RIMKLB: variants seen among roughly 807,000 people sequenced by gnomAD.
RIMKLB encodes the protein ribosomal modification protein rimK like family member B.
RIMKLB carries 7 observed loss-of-function variants against 32.0 expected under a neutral mutation model. That is an observed-to-expected ratio of 0.22 (90% CI 0.12 to 0.41). The LOEUF (loss-of-function observed/expected upper bound fraction) is 0.41, where lower values mean the gene tolerates loss of function less well. Ranked by LOEUF, RIMKLB falls within the 10% of genes least tolerant of loss-of-function variation. The pLI is 1.00. For synonymous variants in RIMKLB, 172 were observed against 185.1 expected (o/e 0.93, Z 0.57); for missense variants, 289 against 498.7 (o/e 0.58, Z 4.00).
upstream of RIMKLB, among the ~76,000 whole-genome samples, chr12:8,680,605 G>A (rs1003287209): frequency 2.0e-5 from 3 of 152,008 alleles, no homozygotes; most frequent in Admixed American, 6.5e-5. Context: ...CTGTGGACTC[G>A]CCCTGAATTC....
intron 2 of RIMKLB, among the ~76,000 whole-genome samples, chr12:8,741,473 G>T (rs777492642): frequency 4.0e-5 from 6 of 151,510 alleles, no homozygotes; most frequent in Non-Finnish European, 7.4e-5. Context: ...AGGGAGCGGC[G>T]CAAGGGTTAT....
At chr12:8,761,910 G>A (rs1330085778) in intron 5 of RIMKLB, among the ~76,000 whole-genome samples, 1 of 152,190 alleles carries the variant, frequency 6.6e-6, no homozygotes, top group African/African-American at 2.4e-5. Flanking sequence ...TAGCAGGCCG[G>A]TCCAGGGGTC....
At chr12:8,758,088 C>T (rs772706218) in intron 5 of RIMKLB, among the ~76,000 whole-genome samples, 13 of 152,154 alleles carry the variant, frequency 8.5e-5, no homozygotes, top group African/African-American at 1.2e-4. Flanking sequence ...TGAGCCACTG[C>T]GCCTGGCCTG....
At position 8,776,389 on chromosome 12, in the gene RIMKLB, A is replaced by AG. The variant is rs1950728222; in HGVS notation, c.*2607dup. 1.0e-6 allele frequency: 1 copy of AG among 981,990 alleles called. No individual in the cohort carries two copies. The highest frequency in any genetic ancestry group is 4.7e-5 in the South Asian group (1 of 21,220). The allele number at this position is 981,990 out of a possible 1,614,324, so 60.8% of individuals were successfully genotyped here. A position where few individuals can be genotyped will look rare whatever the true frequency, so the allele number is the denominator to read the frequency against. ...AGCAAATCATTCTGGAAGTACCTTA[A>AG]GGAAACAAACAGCAGCAGATATTTA... is the stretch of plus-strand genomic sequence containing the variant. On this transcript the variant is annotated 3_prime_UTR_variant, in exon 6 of 6. Transcript: ENST00000535829.
upstream of RIMKLB, among the ~76,000 whole-genome samples, chr12:8,677,759 T>C (rs995728243): frequency 5.3e-5 from 8 of 150,892 alleles, no homozygotes; most frequent in Non-Finnish European, 1.0e-4. Context: ...TTTTTTTTTT[T>C]CTTCTTTTTT....
At chr12:8,777,445 GT>G, downstream of RIMKLB, 2 of 1,111,534 alleles carry the variant, frequency 1.8e-6, no homozygotes, top group South Asian at 4.4e-5. Context: ...TTGCCATGCT[GT>G]TTTGGGGTGG....
upstream of RIMKLB, chr12:8,697,855 C>T (rs1942973685): frequency 6.8e-6 from 1 of 146,254 alleles, no homozygotes; most frequent in African/African-American, 2.5e-5. Context: ...CCGCCCGCCG[C>T]GCCGCGGCGC....
rs1565430225 is a variant in RIMKLB, at chr12:8,773,564, G to A, written c.941G>A (p.Arg314Gln). ...CTTCTACCCTCTGGCCGGCTCACCC[G>A]GCGTATGTCCCTGCTCTCCGTGGTG... ...ASLLPSGRLTRRMSLLSVVST... is the reference protein window; with the variant it reads ...ASLLPSGRLTQRMSLLSVVST... The change falls in exon 6 of 6, where the codon CGG becomes CAG. Residue 314 changes from arginine to glutamine, a missense_variant. Physicochemically the swap from Arg to Gln is conservative, Grantham distance 43 (BLOSUM62 1). Around this residue, in one of 3 missense-constraint regions of RIMKLB, gnomAD observed 99 missense variants for 133.9 expected, o/e 0.74. Transcript: ENST00000535829. 8 of 1,614,124 alleles carry A rather than the reference G, an allele frequency of 5.0e-6. No individual in the cohort carries two copies. The highest frequency in any genetic ancestry group is 6.8e-6 in the Non-Finnish European group (8 of 1,180,054).
upstream of RIMKLB, among the ~76,000 whole-genome samples, chr12:8,692,837 G>A (rs1942772038): frequency 6.6e-6 from 1 of 152,176 alleles, no homozygotes; most frequent in Non-Finnish European, 1.5e-5. Flanking sequence ...AGGAAACAGT[G>A]GGGAGAGCTA....
At chr12:8,782,167 ATTGT>A (rs1276276414), downstream of RIMKLB, among the ~76,000 whole-genome samples, 6 of 151,904 alleles carry the variant, frequency 3.9e-5, no homozygotes, top group African/African-American at 1.5e-4. Context: ...TGAATCAAAA[ATTGT>A]TTTTTTCTGT....
intron 1 of RIMKLB, among the ~76,000 whole-genome samples, chr12:8,712,825 C>T (rs1217263292): frequency 6.6e-6 from 1 of 152,142 alleles, no homozygotes; most frequent in Admixed American, 6.5e-5. Context: ...GCCTTTCCTT[C>T]CTGTAGTTTT....
Position 8,775,286 on chromosome 12 carries a change from T to C in RIMKLB, c.*1502T>C. On this transcript the variant is annotated 3_prime_UTR_variant, in exon 6 of 6. Transcript: ENST00000535829. ...TATTGAGTCTCTTATAGCCCTACTC[T>C]TAAGCCTTCAATACTGTCCACTCTT... The C allele has an allele frequency of 1.0e-6, 1 of 985,538 alleles. No individual in the cohort carries two copies. The highest frequency in any genetic ancestry group is 1.7e-5 in the African/African-American group (1 of 57,350). The allele number at this position is 985,538 out of a possible 1,614,324, so 61.0% of individuals were successfully genotyped here. A position where few individuals can be genotyped will look rare whatever the true frequency, so the allele number is the denominator to read the frequency against.
intron 4 of RIMKLB, among the ~76,000 whole-genome samples, chr12:8,752,720 T>G (rs558039111): frequency 2.2e-4 from 34 of 152,016 alleles, no homozygotes; most frequent in African/African-American, 6.8e-4. Flanking sequence ...GGTAGGTTGT[T>G]GTTGTTGTTG....
chr12:8,709,040 A>G (rs1479655033), intron 1 of RIMKLB, among the ~76,000 whole-genome samples: 1 of 152,228 alleles, frequency 6.6e-6, no homozygotes, highest in Non-Finnish European at 1.5e-5. Flanking sequence ...AGGAAATACT[A>G]TACGGTACTC....
chr12:8,748,535 T>C (rs1004129441), intron 2 of RIMKLB, among the ~76,000 whole-genome samples: 9 of 106,810 alleles, frequency 8.4e-5, no homozygotes, highest in African/African-American at 2.9e-4. Context: ...TGTGTGTGTG[T>C]GTGTGTGTGT....
intron 1 of RIMKLB, among the ~76,000 whole-genome samples, chr12:8,705,336 G>A (rs1213011831): frequency 6.6e-6 from 1 of 152,034 alleles, no homozygotes; most frequent in Non-Finnish European, 1.5e-5. Flanking sequence ...AATTAGCCGG[G>A]TGTGGTGGCA....
intron 1 of RIMKLB, among the ~76,000 whole-genome samples, chr12:8,684,059 T>C (rs140205348): frequency 9.8e-5 from 15 of 152,348 alleles, no homozygotes; most frequent in African/African-American, 3.4e-4. Flanking sequence ...ATGTTTGTAA[T>C]TTTGATGAAG....
intron 2 of RIMKLB, among the ~76,000 whole-genome samples, chr12:8,734,552 G>C (rs1389153700): frequency 1.3e-5 from 2 of 152,118 alleles, no homozygotes; most frequent in African/African-American, 4.8e-5. Context: ...AGTATTTAAT[G>C]ACATCTAAGG....
In RIMKLB at chr12:8,776,328, T is replaced by A. The variant is rs1950725423; in HGVS notation, c.*2544T>A. 3 of 979,152 alleles carry A rather than the reference T, an allele frequency of 3.1e-6. No individual in the cohort carries two copies. In the Admixed American group the frequency reaches 1.8e-4, roughly 60 times the overall value. The allele number at this position is 979,152 out of a possible 1,614,324, so 60.7% of individuals were successfully genotyped here. On this transcript the variant is annotated 3_prime_UTR_variant, in exon 6 of 6. Coordinates refer to ENST00000535829, the MANE Select transcript of RIMKLB (RefSeq NM_001297776.2). ...CTTAGATTTTAAAAACATGGATATC[T>A]TCTTGAATTCCTTCAAGATTGAGGT...
Sources: allele counts gnomAD v4.1 joint callset (sites outside exome capture counted in the v4.1 genomes callset), GRCh38; gene constraint gnomAD v4.1.1; regional missense constraint gnomAD v4.1.1; transcripts MANE v1.5; gene names NCBI Gene and HGNC (gene_info 2026-07-23, HGNC 2026-07-21).